Variants in DIP2C observed in about 807,000 individuals in gnomAD.
The protein encoded by DIP2C is disco-interacting protein 2 homolog C.
DIP2C carries 33 observed loss-of-function variants against 192.4 expected under a neutral mutation model. That is an observed-to-expected ratio of 0.17 (90% CI 0.13 to 0.23). The LOEUF (loss-of-function observed/expected upper bound fraction) is 0.23. Ranked by LOEUF, DIP2C falls within the 10% of genes least tolerant of loss-of-function variation. The pLI is 1.00. For synonymous variants in DIP2C, 979 were observed against 864.1 expected, an observed-to-expected ratio of 1.13 and a Z score of -2.33; for missense variants, 1,537 against 2,110.1, an observed-to-expected ratio of 0.73 and a Z score of 5.32.
At chr10:590,051 C>T (rs920725051) in intron 1 of DIP2C, among the ~76,000 whole-genome samples, 13 of 152,216 alleles carry the variant, frequency 8.5e-5, no homozygotes, top group African/African-American at 2.9e-4. Flanking sequence ...GTGGTTTCCA[C>T]ATCACACAGG....
In DIP2C at chr10:384,628, G is replaced by C. The variant is rs1564643844; in HGVS notation, c.1674C>G (p.Asn558Lys). The change falls in exon 15 of 37, where the codon AAC (asparagine) becomes AAG (lysine). Residue 558 changes from asparagine (N) to lysine (K), a missense_variant. Asn to Lys is a moderately conservative substitution (Grantham distance 94). Around this residue, in one of 4 missense-constraint regions of DIP2C, gnomAD observed 677 missense variants for 989.9 expected, o/e 0.68. Transcript: ENST00000280886. ...LWHGILTSVM[N>K]MMHVISIPYS... is the part of the protein sequence containing the mutation. ...ACGGGATGCTGATCACATGCATCAT[G>C]TTCATGACGCTCTGCAATCAACAAA... 6.2e-7 allele frequency: 1 copy of C among 1,613,934 alleles called. No individual in the cohort carries two copies. The highest frequency in any genetic ancestry group is 2.2e-5 in the East Asian group (1 of 44,874).
chr10:391,704 T>C (rs1355785356), intron 10 of DIP2C, among the ~76,000 whole-genome samples: 2 of 152,162 alleles, frequency 1.3e-5, no homozygotes, highest in East Asian at 3.9e-4. Flanking sequence ...AATGCCACAT[T>C]GTAGTGAGCA....
chr10:585,024 A>G (rs1331317443), intron 1 of DIP2C, among the ~76,000 whole-genome samples: 1 of 150,220 alleles, frequency 6.7e-6, no homozygotes, highest in Non-Finnish European at 1.5e-5. Flanking sequence ...CCTGGCCCCC[A>G]CTCACGCACA....
intron 1 of DIP2C, among the ~76,000 whole-genome samples, chr10:670,878 G>A (rs1355382759): frequency 6.6e-6 from 1 of 152,178 alleles, no homozygotes; most frequent in Non-Finnish European, 1.5e-5. Context: ...ATACCAGGTG[G>A]AAAAGTATAT....
At chr10:562,380 A>C (rs1457913055) in intron 1 of DIP2C, among the ~76,000 whole-genome samples, 1 of 152,256 alleles carries the variant, frequency 6.6e-6, no homozygotes, top group African/African-American at 2.4e-5. Context: ...ATGAATCACT[A>C]TTTCAAGGAG....
chr10:602,128 G>A (rs1277339665), intron 1 of DIP2C, among the ~76,000 whole-genome samples: 1 of 152,102 alleles, frequency 6.6e-6, no homozygotes, highest in Non-Finnish European at 1.5e-5. Context: ...CAGGATTTCA[G>A]GACTCAGGCA....
chr10:463,119 CCT>C (rs1381449544), intron 3 of DIP2C, among the ~76,000 whole-genome samples: 1 of 151,544 alleles, frequency 6.6e-6, no homozygotes, highest in Admixed American at 6.6e-5. Flanking sequence ...ACAAGGATGC[CCT>C]CTCTCAACAT....
chr10:540,368 G>A (rs1002695024), intron 1 of DIP2C, among the ~76,000 whole-genome samples: 2 of 152,318 alleles, frequency 1.3e-5, no homozygotes, highest in Middle Eastern at 3.4e-3. Context: ...AAAGCTGCCC[G>A]GCCCAGCACT....
At chr10:591,581 A>C (rs184446307) in intron 1 of DIP2C, among the ~76,000 whole-genome samples, 9 of 152,224 alleles carry the variant, frequency 5.9e-5, no homozygotes, top group African/African-American at 1.7e-4. Context: ...ATTTGCACAG[A>C]AGTTTACAAA....
intron 24 of DIP2C, among the ~76,000 whole-genome samples, chr10:351,386 G>A (rs11251872): frequency 8.5e-4 from 129 of 152,300 alleles, no homozygotes; most frequent in African/African-American, 3.0e-3. Flanking sequence ...GCGCAGCGAG[G>A]TCTGTGGGGA....
At chr10:310,999 A>C (rs1045463907) in intron 31 of DIP2C, among the ~76,000 whole-genome samples, 3 of 152,140 alleles carry the variant, frequency 2.0e-5, no homozygotes, top group Non-Finnish European at 2.9e-5. Context: ...AAAGGCACAA[A>C]ATTTTCTTAT....
At chr10:641,146 A>AG (rs1232402169) in intron 1 of DIP2C, among the ~76,000 whole-genome samples, 2 of 151,330 alleles carry the variant, frequency 1.3e-5, no homozygotes, top group Non-Finnish European at 1.5e-5. Context: ...TTGCAAAAAA[A>AG]AAAAAATCCT....
At chr10:604,297 CATCA>C (rs1207507370) in intron 1 of DIP2C, among the ~76,000 whole-genome samples, 1 of 152,186 alleles carries the variant, frequency 6.6e-6, no homozygotes. Context: ...CTAATGAACA[CATCA>C]GTCACCCATG....
At chr10:532,113 A>G (rs923452888) in intron 1 of DIP2C, among the ~76,000 whole-genome samples, 13 of 151,854 alleles carry the variant, frequency 8.6e-5, no homozygotes, top group African/African-American at 3.1e-4. Flanking sequence ...ACCAGAAAGC[A>G]CCCTCTGTCC....
chr10:569,246 G>A (rs1430262445), intron 1 of DIP2C, among the ~76,000 whole-genome samples: 1 of 152,170 alleles, frequency 6.6e-6, no homozygotes, highest in Non-Finnish European at 1.5e-5. Flanking sequence ...TTCTAGCTTT[G>A]CTGTCAGCTA....
At chr10:304,059 T>C (rs1956191887) in intron 32 of DIP2C, among the ~76,000 whole-genome samples, 1 of 152,162 alleles carries the variant, frequency 6.6e-6, no homozygotes, top group Admixed American at 6.5e-5. Context: ...ACAGTTAACT[T>C]TTTTATTGTT....
At chr10:505,854 TGAC>T (rs1203020972) in intron 1 of DIP2C, among the ~76,000 whole-genome samples, 3 of 152,200 alleles carry the variant, frequency 2.0e-5, no homozygotes, top group African/African-American at 7.2e-5. Context: ...TGGGCGCACC[TGAC>T]AACAGTAGGA....
chr10:405,501 A>G lies in DIP2C; in HGVS notation c.1149+3425T>C, dbSNP rs188526964. 3.3e-5 allele frequency among the ~76,000 whole-genome samples: 5 copies of G among 152,270 alleles called. No individual in the cohort carries two copies. The East Asian group carries it at 9.7e-4, about 29-fold the overall frequency. ...GGCTCTTTTAGCATCAAAACTGAAA[A>G]TTTTTTTGCAATTTGTTTTAAGGAA... On this transcript the variant is annotated intron_variant, in intron 9 of 36. Coordinates refer to ENST00000280886, the MANE Select transcript of DIP2C (RefSeq NM_014974.3).
At chr10:527,278 C>T (rs941200924) in intron 1 of DIP2C, among the ~76,000 whole-genome samples, 11 of 152,192 alleles carry the variant, frequency 7.2e-5, no homozygotes, top group African/African-American at 2.4e-4. Context: ...CATGGCCTGG[C>T]CTCCCGACCC....
Sources: allele counts gnomAD v4.1 joint callset (sites outside exome capture counted in the v4.1 genomes callset), GRCh38; gene constraint gnomAD v4.1.1; regional missense constraint gnomAD v4.1.1; transcripts MANE v1.5; gene names NCBI Gene and HGNC (gene_info 2026-07-23, HGNC 2026-07-21).